Variants in DAB1 observed in about 807,000 individuals in gnomAD.
DAB1 encodes disabled homolog 1.
Under a neutral mutation model 64.6 loss-of-function variants are expected in DAB1, and 15 were observed. That is an observed-to-expected ratio of 0.23 (90% CI 0.16 to 0.36). DAB1 has a LOEUF of 0.36. Among genes scored for constraint, DAB1 ranks in the 10% least tolerant of loss-of-function variants. The probability of loss-of-function intolerance (pLI) is 1.00; values close to 1 mark genes in which losing one functional copy is unlikely to be tolerated. For synonymous variants in DAB1, 235 were observed against 251.9 expected (o/e 0.93, Z 0.64); for missense variants, 596 against 706.7 (o/e 0.84, Z 1.78).
In DAB1 at chr1:57,010,810, T is replaced by C; in HGVS notation, c.1573-20A>G. On this transcript the variant is annotated intron_variant, in intron 13 of 14. Transcript: ENST00000371236. ...ATCAGGCTAGAACACAAGAAGATAATACTTTTTTTTTTCTCTCTTTTCAAG... is the reference window on the plus strand; with the variant it reads ...ATCAGGCTAGAACACAAGAAGATAACACTTTTTTTTTTCTCTCTTTTCAAG... The C allele has an allele frequency of 2.0e-6, 3 of 1,513,026 alleles. No individual in the cohort carries two copies. The highest frequency in any genetic ancestry group is 2.7e-6 in the Non-Finnish European group (3 of 1,123,824). The allele number at this position is 1,513,026 out of a possible 1,614,324, so 93.7% of individuals were successfully genotyped here.
chr1:57,523,147 C>T (rs72913162), intron 7 of DAB1, among the ~76,000 whole-genome samples: 202 of 152,218 alleles, frequency 1.3e-3, no homozygotes, highest in African/African-American at 4.6e-3. Context: ...TCTATTAGTC[C>T]TGTCCCTCTA....
At chr1:57,424,292 A>G (rs1685171115), upstream of DAB1, among the ~76,000 whole-genome samples, 1 of 150,452 alleles carries the variant, frequency 6.6e-6, no homozygotes, top group Non-Finnish European at 1.5e-5. Context: ...GCGCGCTCCG[A>G]GAGCTTAGCC....
chr1:57,368,936 T>C (rs866853038), intron 1 of DAB1, among the ~76,000 whole-genome samples: 1 of 152,192 alleles, frequency 6.6e-6, no homozygotes, highest in South Asian at 2.1e-4. Flanking sequence ...ACACATATAC[T>C]AGAAACACTA....
intron 4 of DAB1, among the ~76,000 whole-genome samples, chr1:58,197,908 C>T (rs1281572374): frequency 6.6e-6 from 1 of 152,156 alleles, no homozygotes; most frequent in Non-Finnish European, 1.5e-5. Flanking sequence ...ATTAATATTG[C>T]TTTGTACTTG....
At chr1:57,085,718 G>A (rs181619488) in intron 4 of DAB1, among the ~76,000 whole-genome samples, 80 of 152,312 alleles carry the variant, frequency 5.3e-4, no homozygotes, top group African/African-American at 1.9e-3. Flanking sequence ...ACACAGGAAA[G>A]TGCTCCCATG....
At chr1:57,382,041 G>A (rs1475174908) in intron 1 of DAB1, among the ~76,000 whole-genome samples, 2 of 152,162 alleles carry the variant, frequency 1.3e-5, no homozygotes, top group African/African-American at 4.8e-5. Flanking sequence ...ATGCTCTGGG[G>A]TTGAGGCTGC....
At chr1:58,426,814 T>C (rs954514826) in intron 3 of DAB1, among the ~76,000 whole-genome samples, 3 of 151,902 alleles carry the variant, frequency 2.0e-5, no homozygotes, top group East Asian at 1.9e-4. Flanking sequence ...AATAAATGAG[T>C]AAAATCTATA....
chr1:58,199,625 C>T (rs1433302712), intron 4 of DAB1, among the ~76,000 whole-genome samples: 1 of 152,096 alleles, frequency 6.6e-6, no homozygotes, highest in Non-Finnish European at 1.5e-5. Flanking sequence ...ACTAGTACAA[C>T]TAATAGTATA....
chr1:57,136,090 TA>T (rs1187656433), intron 4 of DAB1, among the ~76,000 whole-genome samples: 1 of 152,152 alleles, frequency 6.6e-6, no homozygotes, highest in Non-Finnish European at 1.5e-5. Flanking sequence ...ATTTCTTTTT[TA>T]AGATTGAGAA....
rs560953874 is a variant in DAB1, at chr1:58,201,027, T to G, written n.310-50439A>C. ...AGTCTATTTTTGTTTGTTTTGTTTT[T>G]TTTTTTTGAGATGGAGTCTCGCTCT... is the stretch of plus-strand genomic sequence containing the variant. On this transcript the variant is annotated intron_variant and non_coding_transcript_variant, in intron 4 of 20. Coordinates refer to the DAB1 transcript ENST00000485760. Among the ~76,000 whole-genome samples the G allele has an allele frequency of 7.9e-5, 12 of 151,874 alleles. 1 individual carries two copies. In the East Asian group the frequency reaches 1.4e-3, roughly 17 times the overall value.
chr1:57,800,501 C>T (rs1651072607), intron 6 of DAB1, among the ~76,000 whole-genome samples: 1 of 152,172 alleles, frequency 6.6e-6, no homozygotes, highest in South Asian at 2.1e-4. Flanking sequence ...AATTGTGCCA[C>T]TTGGGCTCCC....
chr1:57,914,157 G>A (rs1644689900), intron 5 of DAB1, among the ~76,000 whole-genome samples: 2 of 152,108 alleles, frequency 1.3e-5, no homozygotes, highest in African/African-American at 2.4e-5. Context: ...TATGTTTATT[G>A]CGGCACTATT....
At chr1:58,009,875 T>G (rs1646642761) in intron 5 of DAB1, among the ~76,000 whole-genome samples, 1 of 152,236 alleles carries the variant, frequency 6.6e-6, no homozygotes, top group Admixed American at 6.5e-5. Flanking sequence ...TTGTCGTCAC[T>G]GGGATTTGTT....
At chr1:57,043,128 C>CTA (rs1399123103) in intron 9 of DAB1, among the ~76,000 whole-genome samples, 3 of 152,170 alleles carry the variant, frequency 2.0e-5, no homozygotes, top group African/African-American at 7.2e-5. Flanking sequence ...ATCAGTGGTT[C>CTA]TAGTGTGTCA....
At chr1:57,763,866 A>G (rs1649193433) in intron 6 of DAB1, among the ~76,000 whole-genome samples, 1 of 152,154 alleles carries the variant, frequency 6.6e-6, no homozygotes, top group Non-Finnish European at 1.5e-5. Context: ...TGTTGTTTCC[A>G]TAAAGTCCTG....
intron 4 of DAB1, among the ~76,000 whole-genome samples, chr1:58,243,909 A>G (rs1660412942): frequency 6.6e-6 from 1 of 152,124 alleles, no homozygotes; most frequent in South Asian, 2.1e-4. Flanking sequence ...TTAGACAATT[A>G]TCCTTCTGTG....
At chr1:58,454,897 C>T (rs1645178644) in intron 3 of DAB1, among the ~76,000 whole-genome samples, 1 of 152,234 alleles carries the variant, frequency 6.6e-6, no homozygotes, top group African/African-American at 2.4e-5. Context: ...GCTTATCCTA[C>T]CACCCCAAGA....
rs562188524 is a variant in DAB1 at position 57,360,724 on chromosome 1, G to A, written c.-137+63206C>T. Reference sequence around the variant, plus strand: ...TACAAAAATTGCTTGAGTTTTAAAAGAAAGAACAATATGCAGACAGAACAC... The same window carrying A: ...TACAAAAATTGCTTGAGTTTTAAAAAAAAGAACAATATGCAGACAGAACAC... On this transcript the variant is annotated intron_variant, in intron 1 of 14. Transcript: ENST00000371236. Among the ~76,000 whole-genome samples, 3 of 152,082 alleles carry A rather than the reference G, an allele frequency of 2.0e-5. No homozygotes were observed. The East Asian group carries it at 5.8e-4, about 29-fold the overall frequency.
intron 4 of DAB1, among the ~76,000 whole-genome samples, chr1:58,277,359 C>G (rs1185075614): frequency 6.6e-6 from 1 of 152,128 alleles, no homozygotes; most frequent in Non-Finnish European, 1.5e-5. Context: ...ACTTTTAAAG[C>G]CTGTTCCTGG....
Sources: allele counts gnomAD v4.1 joint callset (sites outside exome capture counted in the v4.1 genomes callset), GRCh38; gene constraint gnomAD v4.1.1; transcripts MANE v1.5; gene names NCBI Gene and HGNC (gene_info 2026-07-23, HGNC 2026-07-21).